Variants in NEIL3 observed in about 807,000 individuals in gnomAD.
NEIL3 encodes the protein endonuclease 8-like 3.
A neutral mutation model predicts 57.5 loss-of-function variants in NEIL3; 48 were observed. That is an observed-to-expected ratio of 0.83 (90% CI 0.66 to 1.06). The LOEUF (loss-of-function observed/expected upper bound fraction) is 1.06. NEIL3 is among the 50% of genes least tolerant of loss of function. NEIL3 has a pLI of 0.00. For missense variants in NEIL3, 717 were observed against 739.1 expected (o/e 0.97, Z 0.35); for synonymous variants, 261 against 253.2 (o/e 1.03, Z -0.29).
chr4:177,350,289 G>A (rs543360823), intron 6 of NEIL3, among the ~76,000 whole-genome samples: 3 of 152,298 alleles, frequency 2.0e-5, no homozygotes, highest in East Asian at 1.9e-4. Flanking sequence ...AAGGGAATCC[G>A]TGATACTGCC....
intron 6 of NEIL3, among the ~76,000 whole-genome samples, chr4:177,351,009 A>AC (rs71692712): frequency 0.027 from 4,135 of 151,764 alleles, 163 homozygotes; most frequent in African/African-American, 0.082. Flanking sequence ...GGAGTTCAAG[A>AC]CAGCCTAGGC....
At chr4:177,310,150 G>A (rs757930562) in intron 1 of NEIL3, 41 bp downstream of exon 1, 4 of 1,500,160 alleles carry the variant, frequency 2.7e-6, no homozygotes, top group Admixed American at 5.4e-5. Flanking sequence ...CAGCAGGGGG[G>A]AAATGGAATA....
intron 2 of NEIL3, among the ~76,000 whole-genome samples, chr4:177,333,798 C>T (rs562549107): frequency 2.0e-4 from 30 of 152,226 alleles, no homozygotes; most frequent in Admixed American, 3.9e-4. Context: ...GAAAAATTGA[C>T]GAACCCAGCT....
chr4:177,316,981 T>C (rs961676882), intron 1 of NEIL3, among the ~76,000 whole-genome samples: 2 of 152,048 alleles, frequency 1.3e-5, no homozygotes, highest in Non-Finnish European at 2.9e-5. Context: ...CCAAATACCA[T>C]CGGGTATTAA....
the NEIL3 span, among the ~76,000 whole-genome samples, chr4:177,369,341 C>G: frequency 6.6e-6 from 1 of 152,038 alleles, no homozygotes; most frequent in Non-Finnish European, 1.5e-5. Flanking sequence ...AAGGTGTCAG[C>G]AACAGAAATA....
downstream of NEIL3, among the ~76,000 whole-genome samples, chr4:177,365,093 T>A (rs1735676531): frequency 6.6e-6 from 1 of 152,162 alleles, no homozygotes; most frequent in Non-Finnish European, 1.5e-5. Flanking sequence ...CATTTTGTTA[T>A]AACTATGAGA....
intron 8 of NEIL3, among the ~76,000 whole-genome samples, chr4:177,358,034 A>G (rs1735516504): frequency 6.6e-6 from 1 of 152,226 alleles, no homozygotes. Context: ...CTATCATAAA[A>G]TTAAGATTAG....
intron 2 of NEIL3, among the ~76,000 whole-genome samples, chr4:177,325,809 G>A (rs1355035870): frequency 6.6e-6 from 1 of 152,018 alleles, no homozygotes; most frequent in East Asian, 1.9e-4. Flanking sequence ...ACTAACTAAT[G>A]ATATCTGATG....
chr4:177,310,047 C>T lies in NEIL3; in HGVS notation c.94C>T (p.Leu32=). Reference sequence around the variant, plus strand: ...GGTGACCGGCGTGCGGGGAAGCGCTCTGCGGAGTCTGCAGGGCCGCGCCTT... The same window carrying T: ...GGTGACCGGCGTGCGGGGAAGCGCTTTGCGGAGTCTGCAGGGCCGCGCCTT... ...QAVTGVRGSA[L]RSLQGRALRL... The change falls in exon 1 of 10, where the codon CTG becomes TTG. Residue 32 remains leucine (L), a synonymous_variant. Transcript: ENST00000264596. The T allele has an allele frequency of 6.2e-7, 1 of 1,608,950 alleles. No homozygotes were observed. Among genetic ancestry groups the T allele is most frequent in the Non-Finnish European group, 8.5e-7 (1 of 1,178,388 alleles).
At chr4:177,345,072 G>A (rs779279713) in intron 6 of NEIL3, among the ~76,000 whole-genome samples, 3 of 152,080 alleles carry the variant, frequency 2.0e-5, no homozygotes, top group Non-Finnish European at 4.4e-5. Context: ...AGTGCTCAAG[G>A]GCTAATGTGG....
intron 3 of NEIL3, 129 bp from the exon 4 acceptor site, chr4:177,335,979 T>C: frequency 9.7e-7 from 1 of 1,034,890 alleles, no homozygotes; most frequent in Non-Finnish European, 1.4e-6. Flanking sequence ...GTAAGGTCTT[T>C]GTTGTTTGCA....
chr4:177,340,820 A>C (rs1410518693), intron 5 of NEIL3, among the ~76,000 whole-genome samples: 2 of 152,204 alleles, frequency 1.3e-5, no homozygotes, highest in African/African-American at 4.8e-5. Flanking sequence ...AGGAGCCTTA[A>C]ATATTTGTGA....
intron 2 of NEIL3, among the ~76,000 whole-genome samples, chr4:177,325,003 C>T (rs528705614): frequency 6.7e-6 from 1 of 148,724 alleles, no homozygotes; most frequent in East Asian, 2.0e-4. Context: ...ATATATTTTT[C>T]CAAGACCATT....
chr4:177,316,040 A>G lies in NEIL3; in HGVS notation c.156+5931A>G, dbSNP rs534336614. ...CATAGTATCGAACCCTATATATGCT[A>G]TCTTTTTTCCTATACATACAACCTA... On this transcript the variant is annotated intron_variant, in intron 1 of 9. Coordinates refer to ENST00000264596, the MANE Select transcript of NEIL3 (RefSeq NM_018248.3). Among the ~76,000 whole-genome samples the G allele has an allele frequency of 2.0e-5, 3 of 152,338 alleles. No homozygotes were observed. In the South Asian group the frequency reaches 6.2e-4, roughly 32 times the overall value.
In NEIL3 at chr4:177,353,758, A is replaced by G. The variant is rs1247480739; in HGVS notation, c.1460+30A>G. The G allele has an allele frequency of 4.6e-6, 7 of 1,525,668 alleles. No individual in the cohort carries two copies. In the East Asian group the frequency reaches 1.6e-4, roughly 34 times the overall value. The allele number at this position is 1,525,668 out of a possible 1,614,324, so 94.5% of individuals were successfully genotyped here. On this transcript the variant is annotated intron_variant, in intron 8 of 9. Transcript: ENST00000264596. ...GATGCTTTTAACCTTGGTCTTTAAG[A>G]TAATTGCTTTTTTTTTTTTTTTTTT...
chr4:177,319,432 T>G (rs1734632458), intron 1 of NEIL3, among the ~76,000 whole-genome samples: 1 of 152,138 alleles, frequency 6.6e-6, no homozygotes, highest in East Asian at 1.9e-4. Context: ...ATGTTGAGTT[T>G]CAGCTTTAAC....
At chr4:177,335,894 C>A in intron 3 of NEIL3, 72 bp downstream of exon 3, 1 of 1,340,076 alleles carries the variant, frequency 7.5e-7, no homozygotes, top group Non-Finnish European at 1.0e-6. Context: ...ACACGTGTAA[C>A]TAAAGAAACA....
intron 1 of NEIL3, among the ~76,000 whole-genome samples, chr4:177,316,408 G>A (rs1415910792): frequency 6.6e-6 from 1 of 152,138 alleles, no homozygotes; most frequent in Non-Finnish European, 1.5e-5. Context: ...GGTAAGTAGA[G>A]TATTTTACTT....
At chr4:177,316,338 C>G (rs1734574042) in intron 1 of NEIL3, among the ~76,000 whole-genome samples, 1 of 152,138 alleles carries the variant, frequency 6.6e-6, no homozygotes, top group African/African-American at 2.4e-5. Flanking sequence ...GGTTGCTAAA[C>G]ACAGAGGAAC....
Sources: allele counts gnomAD v4.1 joint callset (sites outside exome capture counted in the v4.1 genomes callset), GRCh38; gene constraint gnomAD v4.1.1; transcripts MANE v1.5; gene names NCBI Gene and HGNC (gene_info 2026-07-23, HGNC 2026-07-21).